CADM1: variants seen among roughly 807,000 people sequenced by gnomAD.
CADM1 encodes the protein TSLC-1.
Under a neutral mutation model 53.1 loss-of-function variants are expected in CADM1, and 15 were observed. The observed-to-expected ratio is 0.28, with a 90% CI of 0.19 to 0.44. The LOEUF (loss-of-function observed/expected upper bound fraction) is 0.44. Ranked by LOEUF, CADM1 falls within the 20% of genes least tolerant of loss-of-function variation. The pLI, the probability that CADM1 is intolerant of heterozygous loss-of-function variation, is 1.00. For synonymous variants in CADM1, 281 were observed against 243.0 expected (o/e 1.16, Z -1.45); for missense variants, 434 against 611.3 (o/e 0.71, Z 3.06).
intron 1 of CADM1, among the ~76,000 whole-genome samples, chr11:115,281,706 T>C (rs1943589210): frequency 1.3e-5 from 2 of 152,160 alleles, no homozygotes; most frequent in Non-Finnish European, 2.9e-5. Flanking sequence ...CAGTACAAGG[T>C]ACACCTTAAG....
At chr11:115,310,942 G>C (rs1160756045) in intron 1 of CADM1, among the ~76,000 whole-genome samples, 1 of 152,140 alleles carries the variant, frequency 6.6e-6, no homozygotes, top group Non-Finnish European at 1.5e-5. Flanking sequence ...TTTTGTGCAA[G>C]CTTTCAGAAC....
chr11:115,229,758 A>ACCC (rs1475205105), intron 4 of CADM1, among the ~76,000 whole-genome samples: 1 of 152,222 alleles, frequency 6.6e-6, no homozygotes, highest in East Asian at 1.9e-4. Context: ...GTTACAAACA[A>ACCC]CCCCCTTTGC....
At chr11:115,180,342 A>C (rs924306970) in intron 10 of CADM1, among the ~76,000 whole-genome samples, 4 of 152,222 alleles carry the variant, frequency 2.6e-5, no homozygotes, top group African/African-American at 9.6e-5. Flanking sequence ...AACCAAAACC[A>C]AAACCCAAAC....
chr11:115,310,502 G>C (rs1489590448), intron 1 of CADM1, among the ~76,000 whole-genome samples: 1 of 152,012 alleles, frequency 6.6e-6, no homozygotes, highest in South Asian at 2.1e-4. Context: ...TGTATGGGGG[G>C]GTGGAGAAAA....
intron 1 of CADM1, among the ~76,000 whole-genome samples, chr11:115,261,868 C>T (rs1238819200): frequency 2.6e-5 from 4 of 151,924 alleles, no homozygotes; most frequent in South Asian, 2.1e-4. Context: ...CAACCTCCAC[C>T]TCCTGGGTTC....
At chr11:115,355,682 A>C (rs1159165913) in intron 1 of CADM1, among the ~76,000 whole-genome samples, 2 of 151,002 alleles carry the variant, frequency 1.3e-5, no homozygotes, top group African/African-American at 4.9e-5. Context: ...AAAACTAAAC[A>C]GATTTAGCTC....
intron 1 of CADM1, among the ~76,000 whole-genome samples, chr11:115,350,328 T>G (rs1322278308): frequency 6.6e-6 from 1 of 152,146 alleles, no homozygotes; most frequent in South Asian, 2.1e-4. Context: ...GGCAAATGCA[T>G]GCTATTGGTC....
intron 1 of CADM1, among the ~76,000 whole-genome samples, chr11:115,429,588 G>GAA (rs34149068): frequency 1.0e-4 from 11 of 105,412 alleles, no homozygotes; most frequent in Admixed American, 1.9e-4. Flanking sequence ...CACAAGAGCA[G>GAA]AAAAAAAAAA....
At chr11:115,195,319 A>G (rs1940092451) in intron 9 of CADM1, among the ~76,000 whole-genome samples, 1 of 152,230 alleles carries the variant, frequency 6.6e-6, no homozygotes, top group African/African-American at 2.4e-5. Flanking sequence ...ACATACATAA[A>G]CAACTGGTAT....
At chr11:115,368,847 A>C (rs1360888405) in intron 1 of CADM1, among the ~76,000 whole-genome samples, 5 of 151,954 alleles carry the variant, frequency 3.3e-5, no homozygotes, top group Non-Finnish European at 7.4e-5. Context: ...CTAGCCACAA[A>C]TAGCTATTGA....
chr11:115,385,991 A>G (rs1413265978), intron 1 of CADM1, among the ~76,000 whole-genome samples: 1 of 152,260 alleles, frequency 6.6e-6, no homozygotes, highest in Admixed American at 6.5e-5. Flanking sequence ...GAACACATTC[A>G]GATATTAAGA....
chr11:115,361,551 T>C (rs1171896138), intron 1 of CADM1, among the ~76,000 whole-genome samples: 1 of 152,168 alleles, frequency 6.6e-6, no homozygotes, highest in Non-Finnish European at 1.5e-5. Context: ...CTTATGATTC[T>C]TCACCATATT....
chr11:115,441,027 A>ACCT (rs1188403691), intron 1 of CADM1, among the ~76,000 whole-genome samples: 1 of 151,512 alleles, frequency 6.6e-6, no homozygotes, highest in African/African-American at 2.4e-5. Context: ...TGATCCTACC[A>ACCT]CCTCTTCTTC....
At chr11:115,242,730 C>T (rs747872600) in intron 1 of CADM1, among the ~76,000 whole-genome samples, 1 of 152,128 alleles carries the variant, frequency 6.6e-6, no homozygotes, top group Non-Finnish European at 1.5e-5. Context: ...CATAAATAAT[C>T]TTCAGTTTAC....
At chr11:115,462,891 AG>A (rs1190218409) in intron 1 of CADM1, among the ~76,000 whole-genome samples, 2 of 152,142 alleles carry the variant, frequency 1.3e-5, no homozygotes, top group Non-Finnish European at 2.9e-5. Context: ...AAGAATAGAA[AG>A]GGGAGAAAGA....
chr11:115,245,989 G>A (rs889932948), intron 1 of CADM1, among the ~76,000 whole-genome samples: 4 of 152,128 alleles, frequency 2.6e-5, no homozygotes, highest in African/African-American at 9.7e-5. Context: ...TTCAAGCCAC[G>A]AAAGCGTTTG....
At chr11:115,473,420 C>A (rs1047080465) in intron 1 of CADM1, among the ~76,000 whole-genome samples, 7 of 152,174 alleles carry the variant, frequency 4.6e-5, no homozygotes, top group African/African-American at 7.2e-5. Flanking sequence ...TATGCCGCCA[C>A]TGCACTCCAG....
chr11:115,447,718 C>T (rs747959626), intron 1 of CADM1, among the ~76,000 whole-genome samples: 1 of 152,100 alleles, frequency 6.6e-6, no homozygotes, highest in Non-Finnish European at 1.5e-5. Flanking sequence ...TTGCTGGCAC[C>T]CTCCTCAGAC....
intron 1 of CADM1, among the ~76,000 whole-genome samples, chr11:115,331,509 T>C (rs1945127451): frequency 1.3e-5 from 2 of 152,118 alleles, no homozygotes; most frequent in South Asian, 4.2e-4. Context: ...CCAACTAATG[T>C]CCTAAACTTA....
Sources: allele counts gnomAD v4.1 joint callset (sites outside exome capture counted in the v4.1 genomes callset), GRCh38; gene constraint gnomAD v4.1.1; transcripts MANE v1.5; gene names NCBI Gene and HGNC (gene_info 2026-07-23, HGNC 2026-07-21).